Variants in PIK3CA observed in about 807,000 individuals in gnomAD.
The protein encoded by PIK3CA is phosphatidylinositol-4,5-bisphosphate 3-kinase catalytic subunit alpha.
In PIK3CA, 27 loss-of-function variants were observed where a neutral mutation model predicts 138.2. The observed-to-expected ratio is 0.20, with a 90% CI of 0.14 to 0.27. The LOEUF (loss-of-function observed/expected upper bound fraction) is 0.27, where lower values mean the gene tolerates loss of function less well. Ranked by LOEUF, PIK3CA falls within the 10% of genes least tolerant of loss-of-function variation. The probability of loss-of-function intolerance (pLI) is 1.00; values close to 1 mark genes in which losing one functional copy is unlikely to be tolerated. For missense variants in PIK3CA, 544 were observed against 1,277.4 expected (o/e 0.43, Z 8.75); for synonymous variants, 358 against 413.2 (o/e 0.87, Z 1.62).
At chr3:179,168,654 A>T (rs1367591000) in intron 1 of PIK3CA, among the ~76,000 whole-genome samples, 3 of 151,850 alleles carry the variant, frequency 2.0e-5, no homozygotes, top group African/African-American at 7.3e-5. Flanking sequence ...CCCTTGTTTC[A>T]TTATGTCTGT....
Position 179,224,127 on chromosome 3 carries a change from T to C in PIK3CA, c.2234T>C (p.Met745Thr), listed in dbSNP as rs1304992271. 1 of 1,609,036 alleles carries C rather than the reference T, an allele frequency of 6.2e-7. No homozygotes were observed. Among genetic ancestry groups the C allele is most frequent in the South Asian group, 1.1e-5 (1 of 90,598 alleles). Residue 745 changes from methionine (M) to threonine (T), a missense_variant, in exon 15 of 21, where the codon ATG becomes ACG. By Grantham distance (81) the Met-to-Thr change is moderately conservative (BLOSUM62 -1). Coordinates refer to ENST00000263967, the MANE Select transcript of PIK3CA (RefSeq NM_006218.4). Reference protein sequence around the residue: ...LVEQMRRPDFMDALQGFLSPL... With the variant: ...LVEQMRRPDFTDALQGFLSPL... Reference sequence around the variant, plus strand: ...GAGCAAATGAGGCGACCAGATTTCATGGATGCTCTACAGGGCTTTCTGTCT... The same window carrying C: ...GAGCAAATGAGGCGACCAGATTTCACGGATGCTCTACAGGGCTTTCTGTCT...
chr3:179,173,285 G>A (rs559714310), intron 1 of PIK3CA, among the ~76,000 whole-genome samples: 19 of 151,776 alleles, frequency 1.3e-4, no homozygotes, highest in Admixed American at 5.9e-4. Context: ...AAGGCCGGGC[G>A]CGGTAGCTCA....
At chr3:179,208,119 A>G (rs183588318) in intron 6 of PIK3CA, among the ~76,000 whole-genome samples, 2 of 152,168 alleles carry the variant, frequency 1.3e-5, no homozygotes, top group East Asian at 3.9e-4. Context: ...TTCTTGCCAC[A>G]TTTCCCCATT....
chr3:179,186,604 A>C (rs1029237428), intron 1 of PIK3CA, among the ~76,000 whole-genome samples: 1 of 152,206 alleles, frequency 6.6e-6, no homozygotes, highest in African/African-American at 2.4e-5. Context: ...TTCTTCCTGA[A>C]GTATGTGGGA....
rs1724916832 is a variant in PIK3CA, at chr3:179,219,495, A to T, written c.1747-76A>T. On this transcript the variant is annotated intron_variant, in intron 11 of 20. Coordinates refer to ENST00000263967, the MANE Select transcript of PIK3CA (RefSeq NM_006218.4). The surrounding 1 kb of genome is among the most constrained non-coding windows in gnomAD (Gnocchi z 4.2). ...TAAACTAATTTTAAAATCAGAAGTTAAGGCAGTGTTTTAGATGGCTCATTC... is the reference window on the plus strand; with the variant it reads ...TAAACTAATTTTAAAATCAGAAGTTTAGGCAGTGTTTTAGATGGCTCATTC... 1.4e-6 allele frequency: 1 copy of T among 707,250 alleles called. No individual in the cohort carries two copies. Among genetic ancestry groups the T allele is most frequent in the East Asian group, 2.7e-5 (1 of 37,286 alleles). 43.8% of individuals were successfully genotyped at this position (707,250 alleles called of 1,614,324 possible). A position where few individuals can be genotyped will look rare whatever the true frequency, so the allele number is the denominator to read the frequency against.
rs1725288296 is a variant in PIK3CA at position 179,234,452 on chromosome 3, A to G, written c.*88A>G. 3 of 1,046,448 alleles carry G rather than the reference A, an allele frequency of 2.9e-6. No homozygotes were observed. Among genetic ancestry groups the G allele is most frequent in the East Asian group, 2.4e-5 (1 of 41,496 alleles). 64.8% of individuals were successfully genotyped at this position (1,046,448 alleles called of 1,614,324 possible). ...GCAGGCAAAGACCGATTGCATAGGAATTGCACAATCCATGAACAGCATTAG... is the reference window on the plus strand; with the variant it reads ...GCAGGCAAAGACCGATTGCATAGGAGTTGCACAATCCATGAACAGCATTAG... On this transcript the variant is annotated 3_prime_UTR_variant, in exon 21 of 21. Coordinates refer to ENST00000263967, the MANE Select transcript of PIK3CA (RefSeq NM_006218.4). This position sits in a 1 kb window ranked among gnomAD's most constrained non-coding sequence, Gnocchi z 5.1.
Position 179,236,648 on chromosome 3 carries a change from C to G in PIK3CA, c.*2284C>G, listed in dbSNP as rs1457281088. ...GTCCAGATAGTTGTCTCCCCTCCTT[C>G]TCCCAGGACCTCTCCACCATTAAAA... On this transcript the variant is annotated 3_prime_UTR_variant, in exon 21 of 21. Coordinates refer to ENST00000263967, the MANE Select transcript of PIK3CA (RefSeq NM_006218.4). The G allele has an allele frequency of 1.3e-5, 3 of 226,938 alleles. No homozygotes were observed. The highest frequency in any genetic ancestry group is 6.7e-5 in the African/African-American group (3 of 44,922). 14.1% of individuals were successfully genotyped at this position (226,938 alleles called of 1,614,324 possible).
Position 179,224,691 on chromosome 3 carries a change from A to C in PIK3CA, c.2295-9A>C. 1 of 1,577,126 alleles carries C rather than the reference A, an allele frequency of 6.3e-7. No individual in the cohort carries two copies. Among genetic ancestry groups the C allele is most frequent in the Middle Eastern group, 1.7e-4 (1 of 5,932 alleles). Reference sequence around the variant, plus strand: ...AAGGTACCTAGTAAAGTTTTTAACTATTTTAAAGGCTTGAAGAGTGTCGAA... The same window carrying C: ...AAGGTACCTAGTAAAGTTTTTAACTCTTTTAAAGGCTTGAAGAGTGTCGAA... On this transcript the variant is annotated splice_polypyrimidine_tract_variant and intron_variant, in intron 15 of 20. Transcript: ENST00000263967.
intron 9 of PIK3CA, 84 bp downstream of exon 9, chr3:179,210,649 A>C: frequency 1.5e-6 from 2 of 1,326,618 alleles, no homozygotes; most frequent in Non-Finnish European, 2.1e-6. Context: ...AAGGATCCAT[A>C]TATTTTACTG....
At chr3:179,150,089 T>C (rs1722972497) in intron 1 of PIK3CA, among the ~76,000 whole-genome samples, 1 of 152,032 alleles carries the variant, frequency 6.6e-6, no homozygotes, top group Non-Finnish European at 1.5e-5. Flanking sequence ...ACATCACATG[T>C]TCTGGAAATT....
intron 3 of PIK3CA, 51 bp downstream of exon 3, chr3:179,199,950 C>T (rs2108388131): frequency 8.8e-7 from 1 of 1,135,532 alleles, no homozygotes; most frequent in Non-Finnish European, 1.3e-6. Flanking sequence ...CAGTCTTCTA[C>T]CTGTGTCTAT....
At chr3:179,218,189 A>C (rs1459679770) in intron 9 of PIK3CA, 21 bp from the exon 10 acceptor site, 1 of 1,524,254 alleles carries the variant, frequency 6.6e-7, no homozygotes, top group Non-Finnish European at 8.8e-7. Flanking sequence ...AAGCTATATA[A>C]GATATTATTT....
intron 20 of PIK3CA, among the ~76,000 whole-genome samples, chr3:179,232,123 C>T (rs1725228123): frequency 6.6e-6 from 1 of 151,796 alleles, no homozygotes; most frequent in African/African-American, 2.4e-5. Flanking sequence ...TAATTAGGTC[C>T]CATTTATTTT....
chr3:179,229,766 A>G (rs1725171750), intron 18 of PIK3CA, among the ~76,000 whole-genome samples: 2 of 152,200 alleles, frequency 1.3e-5, no homozygotes, highest in Non-Finnish European at 2.9e-5. Context: ...AATAATTTTA[A>G]TGACATGCTA....
intron 9 of PIK3CA, among the ~76,000 whole-genome samples, chr3:179,212,767 A>G (rs2108403739): frequency 1.3e-5 from 2 of 152,300 alleles, no homozygotes; most frequent in East Asian, 3.9e-4. Context: ...GTATAGTATC[A>G]GTAAATACAG....
chr3:179,197,315 G>A (rs1369746631), intron 1 of PIK3CA, among the ~76,000 whole-genome samples: 1 of 152,190 alleles, frequency 6.6e-6, no homozygotes, highest in African/African-American at 2.4e-5. Flanking sequence ...AGGATTACAG[G>A]TGTGAGCCAC....
chr3:179,200,874 T>G (rs1288565332), intron 3 of PIK3CA, among the ~76,000 whole-genome samples: 2 of 152,234 alleles, frequency 1.3e-5, no homozygotes, highest in East Asian at 3.8e-4. Context: ...TCTGTCATTC[T>G]AATTGAACAT....
chr3:179,212,581 GC>G (rs1724741912), intron 9 of PIK3CA, among the ~76,000 whole-genome samples: 1 of 151,750 alleles, frequency 6.6e-6, no homozygotes, highest in Non-Finnish European at 1.5e-5. Context: ...TCCAGCCTGG[GC>G]AACAGAGTGA....
intron 1 of PIK3CA, among the ~76,000 whole-genome samples, chr3:179,193,437 T>C (rs1371295189): frequency 6.6e-6 from 1 of 152,234 alleles, no homozygotes; most frequent in Admixed American, 6.5e-5. Context: ...GAAGTGACCA[T>C]TGATTGCTAG....
Sources: gnomAD v4.1 joint callset for allele counts (sites outside exome capture counted in the v4.1 genomes callset) on GRCh38, gnomAD v4.1.1 for gene constraint, Gnocchi (gnomAD v3.1) non-coding constraint, MANE v1.5 for transcripts, NCBI Gene and HGNC (gene_info 2026-07-23, HGNC 2026-07-21) for gene names.